The following DAB2IP variants were observed in gnomAD, a reference collection of about 807,000 sequenced individuals.
DAB2IP encodes the protein disabled homolog 2-interacting protein.
In DAB2IP, 28 loss-of-function variants were observed where a neutral mutation model predicts 107.2. That is an observed-to-expected ratio of 0.26 (90% CI 0.19 to 0.36). The LOEUF (loss-of-function observed/expected upper bound fraction) is 0.36, where lower values mean the gene tolerates loss of function less well. DAB2IP is among the 10% of genes least tolerant of loss of function. The pLI is 1.00. For synonymous variants in DAB2IP, 755 were observed against 706.4 expected, an observed-to-expected ratio of 1.07 and a Z score of -1.09; for missense variants, 1,400 against 1,644.7, an observed-to-expected ratio of 0.85 and a Z score of 2.57.
Position 121,687,435 on chromosome 9 carries a change from G to A in DAB2IP, c.228+8654G>A, listed in dbSNP as rs114305724. Among the ~76,000 whole-genome samples, 1,330 of 152,296 alleles carry A rather than the reference G, an allele frequency of 8.7e-3. 24 individuals are homozygous for A. The highest frequency in any genetic ancestry group is 0.031 in the African/African-American group (1,296 of 41,542). ...GCTGCTGCACTGTGGTCACCAGGCT[G>A]GGGCCAACAGACACTCAGTCACTGC... On this transcript the variant is annotated intron_variant, in intron 2 of 15. Coordinates refer to ENST00000408936, the Ensembl canonical transcript of DAB2IP.
chr9:121,642,019 C>T lies in DAB2IP; in HGVS notation c.41-36659C>T, dbSNP rs1459971314. On this transcript the variant is annotated intron_variant, in intron 1 of 16. Transcript: ENST00000259371. ...TTTCTCTCTCTCTCTCTCTCTCTCT[C>T]TCTCTCTCTCTCTTTCTTTCTTTCT... is the stretch of plus-strand genomic sequence containing the variant. Among the ~76,000 whole-genome samples, 10 of 32,396 alleles carry T rather than the reference C, an allele frequency of 3.1e-4. 1 individual carries two copies. The highest frequency in any genetic ancestry group is 1.3e-3 in the African/African-American group (9 of 6,696). 21.3% of individuals were successfully genotyped at this position (32,396 alleles called of 152,430 possible). A position where few individuals can be genotyped will look rare whatever the true frequency, so the allele number is the denominator to read the frequency against.
At chr9:121,673,702 A>G (rs570650822) in intron 1 of DAB2IP, among the ~76,000 whole-genome samples, 18 of 152,296 alleles carry the variant, frequency 1.2e-4, no homozygotes, top group African/African-American at 4.1e-4. Context: ...CCATGTCTTC[A>G]TTAACTTTGT....
rs897919179 is a variant in DAB2IP at position 121,734,325 on chromosome 9, C to T, written c.363-22688C>T. On this transcript the variant is annotated intron_variant, in intron 3 of 15. Transcript: ENST00000408936. ...CCAGGAAGCGGAGCTTGCAGTGAGCCGAGATTGCGCCATTGCAGTCCGCAG... is the reference window on the plus strand; with the variant it reads ...CCAGGAAGCGGAGCTTGCAGTGAGCTGAGATTGCGCCATTGCAGTCCGCAG... 4.3e-5 allele frequency among the ~76,000 whole-genome samples: 6 copies of T among 138,968 alleles called. 1 individual carries two copies. The highest frequency in any genetic ancestry group is 4.2e-4 in the South Asian group (2 of 4,732). The allele number at this position is 138,968 out of a possible 152,430, so 91.2% of individuals were successfully genotyped here. A position where few individuals can be genotyped will look rare whatever the true frequency, so the allele number is the denominator to read the frequency against.
chr9:121,772,510 G>T lies in DAB2IP; in HGVS notation c.2079-97G>T. The T allele has an allele frequency of 2.9e-6, 4 of 1,378,818 alleles. No individual in the cohort carries two copies. The highest frequency in any genetic ancestry group is 2.0e-5 in the Admixed American group (1 of 49,782). The allele number at this position is 1,378,818 out of a possible 1,614,324, so 85.4% of individuals were successfully genotyped here. On this transcript the variant is annotated intron_variant, in intron 11 of 15. Transcript: ENST00000408936. The surrounding 1 kb of genome is among the most constrained non-coding windows in gnomAD (Gnocchi z 4.7). ...GCGCTGGCTCAGGCTGCCAGGCCCC[G>T]GCAGGTTGGCGGGTGCTGTCGGTTT...
chr9:121,782,614 C>G lies in DAB2IP; in HGVS notation c.*116C>G, dbSNP rs1023734068. The G allele has an allele frequency of 5.2e-5, 79 of 1,512,034 alleles. No individual in the cohort carries two copies. In the African/African-American group the frequency reaches 9.7e-4, roughly 19 times the overall value. 93.7% of individuals were successfully genotyped at this position (1,512,034 alleles called of 1,614,324 possible). A position where few individuals can be genotyped will look rare whatever the true frequency, so the allele number is the denominator to read the frequency against. On this transcript the variant is annotated 3_prime_UTR_variant, in exon 16 of 16. Transcript: ENST00000408936. The surrounding 1 kb of genome is among the most constrained non-coding windows in gnomAD (Gnocchi z 6.1). ...AGCCCCAGCGCGGGTGTCAGGAGGC[C>G]GAGCCTCCCCTCCCTGCCGCTGTCC...
At chr9:121,643,411 C>G (rs1832429277) in intron 1 of DAB2IP, among the ~76,000 whole-genome samples, 1 of 151,998 alleles carries the variant, frequency 6.6e-6, no homozygotes, top group African/African-American at 2.4e-5. Flanking sequence ...TCTTCTTCCC[C>G]TCTGGAGAAG....
chr9:121,741,283 A>G (rs997706160), intron 3 of DAB2IP, among the ~76,000 whole-genome samples: 8 of 151,836 alleles, frequency 5.3e-5, no homozygotes, highest in East Asian at 1.9e-4. Flanking sequence ...GGGTGGCCCT[A>G]TGGCTGATGC....
At chr9:121,770,664 C>T (rs780941291) in exon 11 of DAB2IP, 13 of 1,614,078 alleles carry the variant, frequency 8.1e-6, no homozygotes, top group Non-Finnish European at 1.1e-5. Flanking sequence ...ACACCGGGCT[C>T]TGGCAGCAGC....
At chr9:121,576,369 A>G (rs1189486587) in intron 1 of DAB2IP, among the ~76,000 whole-genome samples, 1 of 151,678 alleles carries the variant, frequency 6.6e-6, no homozygotes, top group East Asian at 1.9e-4. Context: ...TCTCTCCCTT[A>G]CCTTTGCACT....
At chr9:121,777,112 A>G (rs1835257414) in intron 14 of DAB2IP, among the ~76,000 whole-genome samples, 1 of 152,140 alleles carries the variant, frequency 6.6e-6, no homozygotes, top group African/African-American at 2.4e-5. Flanking sequence ...GGCAGGGAGT[A>G]CAATCAACCC....
intron 3 of DAB2IP, among the ~76,000 whole-genome samples, chr9:121,733,140 C>G (rs1420286905): frequency 6.6e-6 from 1 of 152,236 alleles, no homozygotes; most frequent in Non-Finnish European, 1.5e-5. Flanking sequence ...TATTCATGAA[C>G]AGCCAGGCCC....
At chr9:121,775,915 T>C (rs1440346358) in intron 13 of DAB2IP, among the ~76,000 whole-genome samples, 1 of 152,226 alleles carries the variant, frequency 6.6e-6, no homozygotes, top group Non-Finnish European at 1.5e-5. Flanking sequence ...AGTTACACCC[T>C]CAGTCCTGGG....
chr9:121,716,219 T>C (rs557281854), intron 3 of DAB2IP, among the ~76,000 whole-genome samples: 17 of 152,292 alleles, frequency 1.1e-4, no homozygotes, highest in African/African-American at 3.8e-4. Flanking sequence ...TAGTGGAGTA[T>C]ACTTTTATCT....
exon 16 of DAB2IP, chr9:121,783,441 A>G: frequency 1.2e-6 from 2 of 1,611,008 alleles, no homozygotes; most frequent in South Asian, 1.1e-5. Flanking sequence ...CTGAAAGAAA[A>G]GGTGATCCTT....
At chr9:121,608,436 G>T (rs909013071) in intron 1 of DAB2IP, among the ~76,000 whole-genome samples, 2 of 152,198 alleles carry the variant, frequency 1.3e-5, no homozygotes, top group Non-Finnish European at 2.9e-5. Context: ...AAGCAAAGCA[G>T]CAAGGATGGC....
rs1212371640 is a variant in DAB2IP at position 121,699,845 on chromosome 9, G to A, written c.362+387G>A. On this transcript the variant is annotated intron_variant, in intron 3 of 15. Transcript: ENST00000408936. The surrounding 1 kb of genome is among the most constrained non-coding windows in gnomAD (Gnocchi z 6.2). Reference sequence around the variant, plus strand: ...CGCCAGGACCCATCCCCCTGCCTTGGGAGCCCCTGGGTATCAGATACAAAA... The same window carrying A: ...CGCCAGGACCCATCCCCCTGCCTTGAGAGCCCCTGGGTATCAGATACAAAA... 6.6e-6 allele frequency among the ~76,000 whole-genome samples: 1 copy of A among 152,236 alleles called. No homozygotes were observed. The highest frequency in any genetic ancestry group is 2.4e-5 in the African/African-American group (1 of 41,470).
chr9:121,583,634 C>T (rs1017430893), intron 1 of DAB2IP, among the ~76,000 whole-genome samples: 13 of 93,638 alleles, frequency 1.4e-4, no homozygotes, highest in Non-Finnish European at 2.3e-4. Flanking sequence ...GCCAACAAGG[C>T]GGGGCAGCTG....
At chr9:121,769,047 A>T (rs745747163) in intron 10 of DAB2IP, among the ~76,000 whole-genome samples, 2 of 152,112 alleles carry the variant, frequency 1.3e-5, no homozygotes, top group Non-Finnish European at 2.9e-5. Flanking sequence ...ATCAGTTGAC[A>T]AGGTTACTCC....
intron 1 of DAB2IP, among the ~76,000 whole-genome samples, chr9:121,607,316 T>G (rs1245429524): frequency 6.6e-6 from 1 of 151,982 alleles, no homozygotes; most frequent in African/African-American, 2.4e-5. Flanking sequence ...TTTTTCTTAT[T>G]TTTTTGAGAT....
Sources: gnomAD v4.1 joint callset for allele counts (sites outside exome capture counted in the v4.1 genomes callset) on GRCh38, gnomAD v4.1.1 for gene constraint, Gnocchi (gnomAD v3.1) non-coding constraint, MANE v1.5 for transcripts, NCBI Gene and HGNC (gene_info 2026-07-23, HGNC 2026-07-21) for gene names.